The following GCNA variants were observed in gnomAD, a reference collection of about 807,000 sequenced individuals.
GCNA encodes the protein germ cell nuclear acidic peptidase.
Under a neutral mutation model 38.8 loss-of-function variants are expected in GCNA, and 3 were observed. That is an observed-to-expected ratio of 0.08 (90% CI 0.04 to 0.20). GCNA has a LOEUF of 0.20. Ranked by LOEUF, GCNA falls within the 10% of genes least tolerant of loss-of-function variation. GCNA has a pLI of 1.00. For missense variants in GCNA, 446 were observed against 578.6 expected (o/e 0.77, Z 2.35); for synonymous variants, 195 against 240.2 (o/e 0.81, Z 1.74).
intron 7 of GCNA, among the ~76,000 whole-genome samples, chrX:71,600,380 AG>A (rs754128829): frequency 2.4e-4 from 27 of 112,517 alleles, no homozygotes; most frequent in Admixed American, 2.3e-3. Context: ...GAACACCAAA[AG>A]TTTAACCAAG....
At chrX:71,597,877 T>G in intron 6 of GCNA, 73 bp from the exon 7 acceptor site, 10 of 825,708 alleles carry the variant, frequency 1.2e-5, no homozygotes, top group South Asian at 2.4e-5. Flanking sequence ...TCAGAAAAGG[T>G]GAGAAATGCC....
chrX:71,601,793 G>A (rs1367904670), intron 7 of GCNA, among the ~76,000 whole-genome samples: 1 of 111,613 alleles, frequency 9.0e-6, no homozygotes, highest in Non-Finnish European at 1.9e-5. Flanking sequence ...TGATCCGTGC[G>A]CCCTGGCCTC....
At chrX:71,597,905 T>C in intron 6 of GCNA, 45 bp from the exon 7 acceptor site, 14 of 999,862 alleles carry the variant, frequency 1.4e-5, no homozygotes, top group Non-Finnish European at 1.8e-5. Flanking sequence ...AGAAGACTGT[T>C]GCGTTCATAC....
intron 8 of GCNA, 148 bp downstream of exon 8, chrX:71,604,824 G>A: frequency 2.5e-6 from 2 of 811,919 alleles, no homozygotes; most frequent in Non-Finnish European, 3.5e-6. Context: ...CCATCCCAGT[G>A]CAAGGATGGT....
chrX:71,601,836 G>A (rs963694637), intron 7 of GCNA, among the ~76,000 whole-genome samples: 2 of 112,382 alleles, frequency 1.8e-5, no homozygotes, highest in East Asian at 2.8e-4. Flanking sequence ...GCGAGCCACC[G>A]TGCCCGACCT....
rs775375741 is a variant in GCNA at position 71,592,522 on chromosome X, C to T, written c.107-15C>T. The T allele has an allele frequency of 2.9e-6, 3 of 1,025,646 alleles. No individual in the cohort carries two copies. The African/African-American group carries it at 7.7e-5, about 26-fold the overall frequency. The allele number at this position is 1,025,646 out of a possible 1,213,427, so 84.5% of individuals were successfully genotyped here. On this transcript the variant is annotated splice_polypyrimidine_tract_variant and intron_variant, in intron 3 of 12. Transcript: ENST00000373696. ...TGCTTCAGATGTTTTCTAATGCCCT[C>T]TTTCTCTGATTTAGCTGTGGCCAGA...
intron 2 of GCNA, among the ~76,000 whole-genome samples, chrX:71,589,068 C>T (rs1311566600): frequency 1.8e-5 from 2 of 109,990 alleles, no homozygotes; most frequent in Admixed American, 9.7e-5. Context: ...GGTGCCCACA[C>T]TAGTCTTGAA....
intron 2 of GCNA, among the ~76,000 whole-genome samples, chrX:71,589,575 C>T (rs757520671): frequency 9.9e-6 from 1 of 100,732 alleles, no homozygotes; most frequent in African/African-American, 3.6e-5. Context: ...AAGTGATTCT[C>T]CTGCCTCAGC....
chrX:71,607,686 G>A (rs1259514565), intron 9 of GCNA, among the ~76,000 whole-genome samples: 1 of 112,469 alleles, frequency 8.9e-6, no homozygotes, highest in Non-Finnish European at 1.9e-5. Context: ...TGACCTCTGG[G>A]CAAGTCACTT....
chrX:71,606,574 A>G (rs2040770574), intron 9 of GCNA, among the ~76,000 whole-genome samples: 1 of 112,022 alleles, frequency 8.9e-6, no homozygotes, highest in South Asian at 3.7e-4. Context: ...TTGAAGGACT[A>G]TATGTTATTT....
At chrX:71,586,034 G>A (rs1385639473) in intron 2 of GCNA, among the ~76,000 whole-genome samples, 3 of 109,802 alleles carry the variant, frequency 2.7e-5, no homozygotes, top group African/African-American at 1.0e-4. Context: ...TTAAAGTAGA[G>A]TGTGATAAAC....
Position 71,612,856 on chromosome X carries a change from T to C in GCNA, c.1956-6T>C. The C allele has an allele frequency of 8.3e-7, 1 of 1,209,632 alleles. No homozygotes were observed. The highest frequency in any genetic ancestry group is 1.1e-6 in the Non-Finnish European group (1 of 894,537). On this transcript the variant is annotated splice_region_variant and splice_polypyrimidine_tract_variant and intron_variant, in intron 12 of 12. Coordinates refer to ENST00000373696, the MANE Select transcript of GCNA (RefSeq NM_052957.5). Reference sequence around the variant, plus strand: ...TTTTGTTGTGTGTTGTTCCATTCCTTCCCAGGATTGGCTGCTACACCAAAT... The same window carrying C: ...TTTTGTTGTGTGTTGTTCCATTCCTCCCCAGGATTGGCTGCTACACCAAAT...
intron 1 of GCNA, among the ~76,000 whole-genome samples, chrX:71,579,554 G>A (rs1177468109): frequency 9.9e-6 from 1 of 101,220 alleles, no homozygotes; most frequent in Non-Finnish European, 2.0e-5. Context: ...AGTGGCTGTG[G>A]GGAGAAGTGG....
rs1180770529 is a variant in GCNA, at chrX:71,609,030, A to G, written c.1524A>G (p.Lys508=). Residue 508 remains lysine (K), a synonymous_variant, in exon 10 of 13, where the codon AAA becomes AAG. Transcript: ENST00000373696. ...CFLQDLEKSK[K]YSGKNLKRNK... ...TGCAAGACCTTGAAAAGTCAAAGAA[A>G]TACTCTGGAAAAAATTTAAAGCGAA... The G allele has an allele frequency of 8.3e-7, 1 of 1,211,351 alleles. No homozygotes were observed. The highest frequency in any genetic ancestry group is 2.2e-5 in the Admixed American group (1 of 46,041).
At position 71,610,667 on chromosome X, in the gene GCNA, C is replaced by T. The variant is rs748153629; in HGVS notation, c.1612-14C>T. On this transcript the variant is annotated splice_polypyrimidine_tract_variant and intron_variant, in intron 10 of 12. Coordinates refer to ENST00000373696, the MANE Select transcript of GCNA (RefSeq NM_052957.5). Reference sequence around the variant, plus strand: ...ACAGCTTTCTGATTCCTTTCATTTGCGTTTCATTCTCAGCTGCCAGAGAAA... The same window carrying T: ...ACAGCTTTCTGATTCCTTTCATTTGTGTTTCATTCTCAGCTGCCAGAGAAA... 42 of 1,202,077 alleles carry T rather than the reference C, an allele frequency of 3.5e-5. No homozygotes were observed. In the Middle Eastern group the frequency reaches 7.0e-4, roughly 20 times the overall value.
intron 7 of GCNA, among the ~76,000 whole-genome samples, chrX:71,603,321 A>G (rs2040731239): frequency 8.9e-6 from 1 of 112,165 alleles, no homozygotes; most frequent in Admixed American, 9.4e-5. Flanking sequence ...GAAGAATGTC[A>G]TTGGTATTTT....
intron 6 of GCNA, 113 bp from the exon 7 acceptor site, chrX:71,597,837 G>A: frequency 1.9e-6 from 1 of 526,267 alleles, no homozygotes; most frequent in Non-Finnish European, 3.2e-6. Context: ...GAGTTACTGT[G>A]GGAAACAAAA....
chrX:71,612,719 C>A, intron 12 of GCNA, 143 bp from the exon 13 acceptor site: 1 of 984,626 alleles, frequency 1.0e-6, no homozygotes, highest in Non-Finnish European at 1.4e-6. Flanking sequence ...TTTGAGCCGG[C>A]CTGACCACTG....
At chrX:71,611,115 A>G (rs1357287556) in intron 11 of GCNA, among the ~76,000 whole-genome samples, 2 of 111,852 alleles carry the variant, frequency 1.8e-5, no homozygotes, top group East Asian at 2.8e-4. Context: ...CTAGCCAATC[A>G]CCAAATCTTC....
Sources: allele counts gnomAD v4.1 joint callset (sites outside exome capture counted in the v4.1 genomes callset), GRCh38; gene constraint gnomAD v4.1.1; transcripts MANE v1.5; gene names NCBI Gene and HGNC (gene_info 2026-07-23, HGNC 2026-07-21).